MAP3K7: variants seen among roughly 807,000 people sequenced by gnomAD.
MAP3K7 encodes the protein mitogen-activated protein kinase kinase kinase 7.
In MAP3K7, 21 loss-of-function variants were observed where a neutral mutation model predicts 84.8. The observed-to-expected ratio is 0.25, with a 90% CI of 0.18 to 0.36. The LOEUF is 0.36. MAP3K7 is among the 10% of genes least tolerant of loss of function. MAP3K7 has a pLI of 1.00. For missense variants in MAP3K7, 503 were observed against 747.7 expected (o/e 0.67, Z 3.82); for synonymous variants, 241 against 247.7 (o/e 0.97, Z 0.25).
chr6:90,586,378 CAAAAAAAAAAAAA>C (rs71027942), intron 1 of MAP3K7, among the ~76,000 whole-genome samples: 1 of 78,564 alleles, frequency 1.3e-5, no homozygotes, highest in African/African-American at 5.2e-5. Flanking sequence ...GACTCCGTCT[CAAAAAAAAAAAAA>C]AAAAAAAAAG....
intron 4 of MAP3K7, among the ~76,000 whole-genome samples, 192 bp from the exon 5 acceptor site, chr6:90,560,406 G>A (rs1187010504): frequency 6.6e-6 from 1 of 152,008 alleles, no homozygotes; most frequent in Non-Finnish European, 1.5e-5. Flanking sequence ...TTTGTCGCCA[G>A]GCTGGAGTGC....
chr6:90,559,268 C>G (rs1301089792), intron 5 of MAP3K7, among the ~76,000 whole-genome samples: 1 of 151,946 alleles, frequency 6.6e-6, no homozygotes, highest in African/African-American at 2.4e-5. Flanking sequence ...AAGTTGCACC[C>G]AGAAGGGATG....
chr6:90,568,712 A>C, intron 2 of MAP3K7, 89 bp from the exon 3 acceptor site: 1 of 917,238 alleles, frequency 1.1e-6, no homozygotes, highest in Non-Finnish European at 1.7e-6. Context: ...GTTGTACAAA[A>C]CATTTGTTTA....
chr6:90,542,435 T>C (rs1011311381), intron 12 of MAP3K7: 1 of 984,898 alleles, frequency 1.0e-6, no homozygotes, highest in Non-Finnish European at 1.2e-6. Context: ...ACTGCTGCTC[T>C]GGCAATTAAG....
At chr6:90,575,013 A>G (rs1777025597) in intron 1 of MAP3K7, among the ~76,000 whole-genome samples, 1 of 152,210 alleles carries the variant, frequency 6.6e-6, no homozygotes, top group Non-Finnish European at 1.5e-5. Flanking sequence ...AAGATGTCCA[A>G]GGTTGTACTG....
Position 90,536,423 on chromosome 6 carries a change from T to C in MAP3K7, c.1292-22A>G, listed in dbSNP as rs764473049. On this transcript the variant is annotated intron_variant, in intron 12 of 16. Transcript: ENST00000369329. ...TTGCCTTTAAAAAGAAGAAAAAAAG[T>C]AAAATACTAAAATCTAGTCAAACAG... 5 of 1,578,996 alleles carry C rather than the reference T, an allele frequency of 3.2e-6. 1 individual carries two copies. The South Asian group carries it at 3.3e-5, about 11-fold the overall frequency.
intron 13 of MAP3K7, among the ~76,000 whole-genome samples, chr6:90,534,964 GA>G (rs1446051588): frequency 1.3e-5 from 2 of 152,214 alleles, no homozygotes; most frequent in East Asian, 3.9e-4. Flanking sequence ...ATCTGAGGGG[GA>G]GAAAACGGGA....
chr6:90,580,891 T>C (rs556625478), intron 1 of MAP3K7, among the ~76,000 whole-genome samples: 3 of 152,260 alleles, frequency 2.0e-5, no homozygotes, highest in Non-Finnish European at 2.9e-5. Context: ...TTTTGATTAA[T>C]TACTTTATGA....
chr6:90,582,990 C>G (rs550639646), intron 1 of MAP3K7, among the ~76,000 whole-genome samples: 10 of 149,020 alleles, frequency 6.7e-5, no homozygotes, highest in African/African-American at 2.5e-4. Context: ...TCAAACGATT[C>G]TCATGCCTCA....
intron 1 of MAP3K7, among the ~76,000 whole-genome samples, chr6:90,572,878 C>A (rs891409302): frequency 1.3e-5 from 2 of 152,004 alleles, no homozygotes; most frequent in Non-Finnish European, 2.9e-5. Context: ...AGAATAAAAT[C>A]ATTAGATTTT....
At chr6:90,586,739 C>T (rs1777473648) in intron 1 of MAP3K7, 25 bp downstream of exon 1, 6 of 1,559,494 alleles carry the variant, frequency 3.8e-6, no homozygotes, top group Non-Finnish European at 4.3e-6. Context: ...CCGGGACCGG[C>T]GTCTCCATGC....
chr6:90,517,540 G>A (rs1775005796), intron 16 of MAP3K7, among the ~76,000 whole-genome samples: 1 of 151,790 alleles, frequency 6.6e-6, no homozygotes, highest in Middle Eastern at 3.4e-3. Flanking sequence ...CAAAAGTATA[G>A]GTTAAATAAG....
At chr6:90,548,379 A>T (rs1176451557) in intron 9 of MAP3K7, among the ~76,000 whole-genome samples, 1 of 152,198 alleles carries the variant, frequency 6.6e-6, no homozygotes, top group African/African-American at 2.4e-5. Context: ...CAAGATGCCT[A>T]AATAGTCTTC....
At chr6:90,517,438 A>T (rs918963491) in intron 16 of MAP3K7, among the ~76,000 whole-genome samples, 4 of 151,908 alleles carry the variant, frequency 2.6e-5, no homozygotes, top group African/African-American at 9.7e-5. Context: ...TTTAAAATTG[A>T]TTAAAACTGT....
At chr6:90,583,738 C>T (rs2127786885) in intron 1 of MAP3K7, among the ~76,000 whole-genome samples, 1 of 152,300 alleles carries the variant, frequency 6.6e-6, no homozygotes, top group African/African-American at 2.4e-5. Flanking sequence ...AGTACAGCAT[C>T]TAAATTTTCT....
At chr6:90,519,819 G>C (rs1775089740) in intron 14 of MAP3K7, among the ~76,000 whole-genome samples, 1 of 151,876 alleles carries the variant, frequency 6.6e-6, no homozygotes, top group Non-Finnish European at 1.5e-5. Context: ...ATTATAATGT[G>C]ACCTCCACCA....
chr6:90,544,756 G>T, intron 11 of MAP3K7, 124 bp from the exon 12 acceptor site: 1 of 781,142 alleles, frequency 1.3e-6, no homozygotes, highest in Non-Finnish European at 2.2e-6. Context: ...ATGCAGAATG[G>T]CATGCAGAAC....
chr6:90,571,681 T>G lies in MAP3K7; in HGVS notation c.231+16A>C. On this transcript the variant is annotated intron_variant, in intron 2 of 16. Transcript: ENST00000369329. ...TAAGTGCAGAACTACACAAAAGAAATGAAATCTCAACTTACCTCTACAATA... is the reference window on the plus strand; with the variant it reads ...TAAGTGCAGAACTACACAAAAGAAAGGAAATCTCAACTTACCTCTACAATA... The G allele has an allele frequency of 2.0e-6, 3 of 1,466,206 alleles. No homozygotes were observed. The highest frequency in any genetic ancestry group is 2.8e-6 in the Non-Finnish European group (3 of 1,069,986). 90.8% of individuals were successfully genotyped at this position (1,466,206 alleles called of 1,614,324 possible). A position where few individuals can be genotyped will look rare whatever the true frequency, so the allele number is the denominator to read the frequency against.
At chr6:90,539,429 T>C (rs768431118) in intron 12 of MAP3K7, among the ~76,000 whole-genome samples, 6 of 151,864 alleles carry the variant, frequency 4.0e-5, no homozygotes, top group Non-Finnish European at 8.8e-5. Context: ...TACATCTTAG[T>C]ATAGCACCCC....
Sources: gnomAD v4.1 joint callset for allele counts (sites outside exome capture counted in the v4.1 genomes callset) on GRCh38, gnomAD v4.1.1 for gene constraint, MANE v1.5 for transcripts, NCBI Gene and HGNC (gene_info 2026-07-23, HGNC 2026-07-21) for gene names.